The following MAGI2 variants were observed in gnomAD, a reference collection of about 807,000 sequenced individuals.
MAGI2 encodes the protein membrane-associated guanylate kinase, WW and PDZ domain-containing protein 2.
MAGI2 carries 35 observed loss-of-function variants against 133.3 expected under a neutral mutation model. The observed-to-expected ratio is 0.26, with a 90% CI of 0.20 to 0.35. The LOEUF is 0.35. Ranked by LOEUF, MAGI2 falls within the 10% of genes least tolerant of loss-of-function variation. The pLI, the probability that MAGI2 is intolerant of heterozygous loss-of-function variation, is 1.00. For synonymous variants in MAGI2, 729 were observed against 710.6 expected (o/e 1.03, Z -0.41); for missense variants, 1,636 against 1,863.4 (o/e 0.88, Z 2.25).
intron 10 of MAGI2, among the ~76,000 whole-genome samples, chr7:78,241,058 T>C (rs1791083582): frequency 6.6e-6 from 1 of 152,028 alleles, no homozygotes; most frequent in Admixed American, 6.6e-5. Context: ...GGAGGCAAAC[T>C]TCTTGAGGCA....
At chr7:78,851,753 G>T (rs1793158297) in intron 2 of MAGI2, among the ~76,000 whole-genome samples, 1 of 152,120 alleles carries the variant, frequency 6.6e-6, no homozygotes, top group Admixed American at 6.6e-5. Context: ...TGTAGTTAGA[G>T]TTCATTCATT....
chr7:79,181,519 C>T (rs1826620450), intron 1 of MAGI2, among the ~76,000 whole-genome samples: 1 of 151,868 alleles, frequency 6.6e-6, no homozygotes, highest in African/African-American at 2.4e-5. Context: ...AAACCCTGGG[C>T]CCGGCCCACA....
chr7:78,257,367 G>C (rs1392146603), intron 9 of MAGI2, among the ~76,000 whole-genome samples: 2 of 152,198 alleles, frequency 1.3e-5, no homozygotes, highest in Admixed American at 6.5e-5. Context: ...GGATGGAGGA[G>C]ATTTGGGTCC....
rs3086258 is a variant in MAGI2, at chr7:78,775,320, T to TAAAAAAAAAAAAA, written c.419-148094_419-148082dup. Among the ~76,000 whole-genome samples, 35 of 57,376 alleles carry TAAAAAAAAAAAAA rather than the reference T, an allele frequency of 6.1e-4. 2 individuals carry two copies. Among genetic ancestry groups the TAAAAAAAAAAAAA allele is most frequent in the Non-Finnish European group, 9.1e-4 (29 of 31,766 alleles). The allele number at this position is 57,376 out of a possible 152,430, so 37.6% of individuals were successfully genotyped here. On this transcript the variant is annotated intron_variant, in intron 2 of 21. Transcript: ENST00000354212. ...AGAGCGAGACTCTGTCGTCTCAAAT[T>TAAAAAAAAAAAAA]AAAAAAAAAAAAAAAAAAAAAAAAA...
At chr7:78,361,532 T>C (rs769781774) in intron 7 of MAGI2, among the ~76,000 whole-genome samples, 23 of 152,216 alleles carry the variant, frequency 1.5e-4, no homozygotes, top group Non-Finnish European at 2.8e-4. Context: ...CTTTTTATTA[T>C]TGGCTTTAGG....
At chr7:78,676,838 G>C (rs1469894560) in intron 2 of MAGI2, among the ~76,000 whole-genome samples, 1 of 152,002 alleles carries the variant, frequency 6.6e-6, no homozygotes, top group African/African-American at 2.4e-5. Flanking sequence ...CGTAAATAAT[G>C]AGTATGTATT....
At chr7:79,049,514 C>T (rs748412981) in intron 1 of MAGI2, among the ~76,000 whole-genome samples, 1 of 152,092 alleles carries the variant, frequency 6.6e-6, no homozygotes. Flanking sequence ...CTGTTTATTA[C>T]AGACTTGTAT....
At chr7:78,315,455 A>G (rs189426408) in intron 9 of MAGI2, among the ~76,000 whole-genome samples, 40 of 152,250 alleles carry the variant, frequency 2.6e-4, no homozygotes, top group Non-Finnish European at 4.6e-4. Flanking sequence ...TAGTCATGCT[A>G]TTCACATTGA....
At chr7:78,934,523 G>A (rs1385272768) in intron 2 of MAGI2, among the ~76,000 whole-genome samples, 1 of 152,176 alleles carries the variant, frequency 6.6e-6, no homozygotes, top group Non-Finnish European at 1.5e-5. Flanking sequence ...TGTGAGGAAT[G>A]ATGGCGATAC....
At chr7:78,955,243 ATAG>A (rs1180408404) in intron 2 of MAGI2, among the ~76,000 whole-genome samples, 3 of 152,086 alleles carry the variant, frequency 2.0e-5, no homozygotes, top group African/African-American at 7.2e-5. Context: ...TAAAAAAACT[ATAG>A]TAGAATATAT....
chr7:79,102,160 T>C (rs1385359990), intron 1 of MAGI2, among the ~76,000 whole-genome samples: 1 of 152,230 alleles, frequency 6.6e-6, no homozygotes, highest in Non-Finnish European at 1.5e-5. Context: ...GGGATACATG[T>C]GCAGAACGTA....
intron 1 of MAGI2, among the ~76,000 whole-genome samples, chr7:79,212,505 C>A (rs1829582589): frequency 6.6e-6 from 1 of 152,048 alleles, no homozygotes; most frequent in Admixed American, 6.5e-5. Context: ...CTTGCCAGTG[C>A]AGGGTAGTAC....
chr7:78,076,454 C>CA (rs55957020), intron 21 of MAGI2, among the ~76,000 whole-genome samples: 23,356 of 90,286 alleles, frequency 0.26, 2,583 homozygotes, highest in Non-Finnish European at 0.28. Flanking sequence ...GACCTTGTTT[C>CA]AAAAAAAAAA....
chr7:78,697,063 G>A (rs956876685), intron 2 of MAGI2, among the ~76,000 whole-genome samples: 1 of 152,124 alleles, frequency 6.6e-6, no homozygotes, highest in African/African-American at 2.4e-5. Flanking sequence ...GTTATCACAA[G>A]GTGAAACTAT....
At chr7:78,802,516 G>A (rs1014027741) in intron 2 of MAGI2, among the ~76,000 whole-genome samples, 1 of 152,160 alleles carries the variant, frequency 6.6e-6, no homozygotes, top group Non-Finnish European at 1.5e-5. Flanking sequence ...ATAAAACTGT[G>A]TGGATTCATG....
intron 6 of MAGI2, among the ~76,000 whole-genome samples, chr7:78,433,708 T>C (rs879532264): frequency 1.3e-5 from 2 of 152,150 alleles, no homozygotes; most frequent in African/African-American, 2.4e-5. Context: ...ACATCTGGCT[T>C]AAGAGCCAGT....
At chr7:78,747,972 G>A (rs1185418208) in intron 2 of MAGI2, among the ~76,000 whole-genome samples, 1 of 152,098 alleles carries the variant, frequency 6.6e-6, no homozygotes, top group Non-Finnish European at 1.5e-5. Context: ...GGTACTATAT[G>A]CACTCAATAT....
intron 10 of MAGI2, among the ~76,000 whole-genome samples, chr7:78,202,451 G>A (rs1340653271): frequency 6.6e-6 from 1 of 152,038 alleles, no homozygotes; most frequent in East Asian, 1.9e-4. Flanking sequence ...GGGAGGCCGA[G>A]GCGGGCGGAT....
intron 10 of MAGI2, among the ~76,000 whole-genome samples, chr7:78,220,313 G>A (rs1788685482): frequency 6.6e-6 from 1 of 152,016 alleles, no homozygotes; most frequent in Non-Finnish European, 1.5e-5. Context: ...TCTCTTCCTG[G>A]TAGAACTGAC....
Sources: allele counts gnomAD v4.1 joint callset (sites outside exome capture counted in the v4.1 genomes callset), GRCh38; gene constraint gnomAD v4.1.1; transcripts MANE v1.5; gene names NCBI Gene and HGNC (gene_info 2026-07-23, HGNC 2026-07-21).